Variants in CLCA4 observed in about 807,000 individuals in gnomAD.
CLCA4 encodes the protein chloride channel accessory 4.
In CLCA4, 69 loss-of-function variants were observed where a neutral mutation model predicts 78.9. The observed-to-expected ratio is 0.87, with a 90% CI of 0.72 to 1.07. The LOEUF (loss-of-function observed/expected upper bound fraction) is 1.07, where lower values mean the gene tolerates loss of function less well. Among genes scored for constraint, CLCA4 ranks in the 50% least tolerant of loss-of-function variants. The probability of loss-of-function intolerance (pLI) is 0.00; values close to 1 mark genes in which losing one functional copy is unlikely to be tolerated. For synonymous variants in CLCA4, 362 were observed against 375.8 expected (o/e 0.96, Z 0.42); for missense variants, 1,133 against 1,095.8 (o/e 1.03, Z -0.48).
chr1:86,569,537 A>G (rs1650289382), intron 7 of CLCA4, among the ~76,000 whole-genome samples: 1 of 151,982 alleles, frequency 6.6e-6, no homozygotes, highest in African/African-American at 2.4e-5. Flanking sequence ...CAGGAAGATG[A>G]TTCCAATTGC....
At chr1:86,574,509 C>T (rs376735844) in intron 9 of CLCA4, 31 bp from the exon 10 acceptor site, 150 of 1,500,496 alleles carry the variant, frequency 1.0e-4, no homozygotes, top group Admixed American at 1.7e-5. Context: ...CTGTCTTCTG[C>T]AGTCATTAAT....
At chr1:86,577,784 G>A in intron 11 of CLCA4, 118 bp from the exon 12 acceptor site, 1 of 716,248 alleles carries the variant, frequency 1.4e-6, no homozygotes, top group Non-Finnish European at 2.3e-6. Context: ...TTCTCCAAAG[G>A]GTCAATCTAA....
intron 3 of CLCA4, among the ~76,000 whole-genome samples, chr1:86,561,738 A>C (rs1232176827): frequency 6.6e-6 from 1 of 152,006 alleles, no homozygotes; most frequent in Admixed American, 6.6e-5. Flanking sequence ...GGCTTCTCCA[A>C]TTTGTAAGCT....
chr1:86,570,039 C>T (rs1032806785), intron 7 of CLCA4, among the ~76,000 whole-genome samples: 2 of 151,942 alleles, frequency 1.3e-5, no homozygotes, highest in African/African-American at 4.8e-5. Flanking sequence ...TCTTTCCGTT[C>T]GGTTTCAAGG....
chr1:86,571,099 A>T lies in CLCA4; in HGVS notation c.1205A>T (p.Gln402Leu). The change falls in exon 8 of 14, where the codon CAA becomes CTA. Residue 402 changes from glutamine to leucine, a missense_variant. Gln to Leu is a moderately radical substitution (Grantham distance 113). Transcript: ENST00000370563. ...CAGGTGATTGGAGAGCTACATTCCC[A>T]ACTCGATGGATCCGAAGTACTGCTG... is the stretch of plus-strand genomic sequence containing the variant. ...AFQVIGELHS[Q>L]LDGSEVLLLT... is the part of the protein sequence containing the mutation. 6.2e-7 allele frequency: 1 copy of T among 1,611,914 alleles called. No individual in the cohort carries two copies. The highest frequency in any genetic ancestry group is 8.5e-7 in the Non-Finnish European group (1 of 1,178,360).
intron 1 of CLCA4, among the ~76,000 whole-genome samples, chr1:86,553,759 A>G (rs1649740844): frequency 6.6e-6 from 1 of 152,008 alleles, no homozygotes; most frequent in Non-Finnish European, 1.5e-5. Flanking sequence ...ACATTGCGAA[A>G]CCCTCTCTCT....
Position 86,579,554 on chromosome 1 carries a change from A to G in CLCA4, c.2323A>G (p.Thr775Ala), listed in dbSNP as rs1247474032. Reference sequence around the variant, plus strand: ...TGAGGATAAGATTATTCTTACATGGACAGCACCAGGAGATAATTTTGATGT... The same window carrying G: ...TGAGGATAAGATTATTCTTACATGGGCAGCACCAGGAGATAATTTTGATGT... ...VHEDKIILTW[T>A]APGDNFDVGK... The change falls in exon 13 of 14, where the codon ACA becomes GCA. Residue 775 changes from threonine to alanine, a missense_variant. By Grantham distance (58) the Thr-to-Ala change is moderately conservative. Coordinates refer to ENST00000370563, the MANE Select transcript of CLCA4 (RefSeq NM_012128.4). 1.2e-6 allele frequency: 2 copies of G among 1,612,808 alleles called. No homozygotes were observed. Among genetic ancestry groups the G allele is most frequent in the Non-Finnish European group, 1.7e-6 (2 of 1,179,230 alleles).
At chr1:86,569,806 C>A (rs1650295259) in intron 7 of CLCA4, among the ~76,000 whole-genome samples, 1 of 151,856 alleles carries the variant, frequency 6.6e-6, no homozygotes, top group African/African-American at 2.4e-5. Flanking sequence ...AAATTGAACC[C>A]AATTATTTAT....
intron 11 of CLCA4, 148 bp from the exon 12 acceptor site, chr1:86,577,754 G>T: frequency 1.6e-6 from 1 of 624,382 alleles, no homozygotes; most frequent in Non-Finnish European, 2.8e-6. Context: ...ATATTGTTTT[G>T]GCAGAATATA....
At position 86,563,915 on chromosome 1, in the gene CLCA4, G is replaced by T. The variant is rs554134771; in HGVS notation, c.557+146G>T. 4.3e-5 allele frequency: 22 copies of T among 511,460 alleles called. No individual in the cohort carries two copies. In the African/African-American group the frequency reaches 4.3e-4, roughly 10 times the overall value. The allele number at this position is 511,460 out of a possible 1,614,324, so 31.7% of individuals were successfully genotyped here. A position where few individuals can be genotyped will look rare whatever the true frequency, so the allele number is the denominator to read the frequency against. On this transcript the variant is annotated intron_variant, in intron 4 of 13. Transcript: ENST00000370563. ...TTTTTTTTAGAAAGTGTATCTTTAA[G>T]TAGTTGATTGCTATTTAAAACATAC...
chr1:86,572,949 T>G (rs1206563470), intron 9 of CLCA4: 1 of 498,046 alleles, frequency 2.0e-6, no homozygotes, highest in African/African-American at 1.9e-5. Context: ...CCTATTGCCA[T>G]GGGTTTGGTT....
At chr1:86,552,807 C>G in intron 1 of CLCA4, 2 of 1,037,760 alleles carry the variant, frequency 1.9e-6, no homozygotes, top group Non-Finnish European at 1.5e-6. Flanking sequence ...CTGAAAACAG[C>G]TCTTCCATGT....
chr1:86,561,580 C>G (rs949028643), intron 3 of CLCA4, among the ~76,000 whole-genome samples: 38 of 152,070 alleles, frequency 2.5e-4, no homozygotes, highest in Non-Finnish European at 5.9e-5. Flanking sequence ...AAATGTCTAC[C>G]AATTTTCTCA....
intron 7 of CLCA4, among the ~76,000 whole-genome samples, chr1:86,568,783 C>G (rs926689019): frequency 6.6e-6 from 1 of 151,946 alleles, no homozygotes; most frequent in Non-Finnish European, 1.5e-5. Context: ...TAAAATTCTA[C>G]CAACCCTTCA....
At chr1:86,568,626 T>C (rs2101809138) in intron 7 of CLCA4, among the ~76,000 whole-genome samples, 1 of 152,000 alleles carries the variant, frequency 6.6e-6, no homozygotes, top group Middle Eastern at 3.4e-3. Flanking sequence ...CCTTATTTAC[T>C]CCATTCTCCC....
intron 13 of CLCA4, 107 bp downstream of exon 13, chr1:86,579,694 G>C: frequency 1.2e-6 from 1 of 836,110 alleles, no homozygotes; most frequent in South Asian, 1.6e-5. Flanking sequence ...TGACAGCCTA[G>C]CAAAGTGTTA....
chr1:86,580,129 A>G lies in CLCA4; in HGVS notation c.2544A>G (p.Ile848Met), dbSNP rs372247700. ...ACATATTTATTGCCATTAAAAGTAT[A>G]GATAAAAGCAATTTGACATCAAAAG... Reference protein sequence around the residue: ...ATHIFIAIKSIDKSNLTSKVS... With the variant: ...ATHIFIAIKSMDKSNLTSKVS... The change falls in exon 14 of 14, where the codon ATA (isoleucine) becomes ATG (methionine). Residue 848 changes from isoleucine to methionine, a missense_variant. Coordinates refer to ENST00000370563, the MANE Select transcript of CLCA4 (RefSeq NM_012128.4). 3.1e-6 allele frequency: 5 copies of G among 1,612,540 alleles called. No individual in the cohort carries two copies. Among genetic ancestry groups the G allele is most frequent in the Admixed American group, 1.7e-5 (1 of 59,842 alleles).
rs1650235672 is a variant in CLCA4, at chr1:86,567,441, T to A, written c.972T>A (p.Asn324Lys). The change falls in exon 7 of 14, where the codon AAT becomes AAA. Residue 324 changes from asparagine to lysine, a missense_variant. Coordinates refer to ENST00000370563, the MANE Select transcript of CLCA4 (RefSeq NM_012128.4). ...SGSMGGKDRL[N>K]RMNQAAKHFL... is the part of the protein sequence containing the mutation. Reference sequence around the variant, plus strand: ...TAATCTAGGGTAAGGACCGCCTAAATCGAATGAATCAAGCAGCAAAACATT... The same window carrying A: ...TAATCTAGGGTAAGGACCGCCTAAAACGAATGAATCAAGCAGCAAAACATT... 6.2e-7 allele frequency: 1 copy of A among 1,612,248 alleles called. No homozygotes were observed. Among genetic ancestry groups the A allele is most frequent in the Admixed American group, 1.7e-5 (1 of 59,878 alleles).
In CLCA4 at chr1:86,565,968, A is replaced by AGATCAGT. The variant is rs1385684205; in HGVS notation, c.903_909dup (p.Gln304AspfsTer11). 6.2e-7 allele frequency: 1 copy of AGATCAGT among 1,613,332 alleles called. No individual in the cohort carries two copies. Among genetic ancestry groups the AGATCAGT allele is most frequent in the Admixed American group, 1.7e-5 (1 of 59,980 alleles). On this transcript the variant is annotated frameshift_variant, in exon 6 of 14. Coordinates refer to ENST00000370563, the MANE Select transcript of CLCA4 (RefSeq NM_012128.4). LOFTEE classifies it high-confidence loss of function. ...CCTCCACCTGTCTTCTCATTGCTGA[A>AGATCAGT]GATCAGTCAAAGAATTGTGTGCTTA...
Sources: gnomAD v4.1 joint callset for allele counts (sites outside exome capture counted in the v4.1 genomes callset) on GRCh38, gnomAD v4.1.1 for gene constraint, MANE v1.5 for transcripts, NCBI Gene and HGNC (gene_info 2026-07-23, HGNC 2026-07-21) for gene names.